Variants in CCDC138 observed in about 807,000 individuals in gnomAD.
CCDC138 encodes coiled-coil domain-containing protein 138.
CCDC138 carries 66 observed loss-of-function variants against 82.3 expected under a neutral mutation model. The ratio of observed to expected loss-of-function variants is 0.80; its 90% CI spans 0.66 to 0.98. The LOEUF (loss-of-function observed/expected upper bound fraction) is 0.98, where lower values mean the gene tolerates loss of function less well. Among genes scored for constraint, CCDC138 ranks in the 50% least tolerant of loss-of-function variants. The pLI, the probability that CCDC138 is intolerant of heterozygous loss-of-function variation, is 0.00. For missense variants in CCDC138, 816 were observed against 758.9 expected, an observed-to-expected ratio of 1.08 and a Z score of -0.88; for synonymous variants, 297 against 265.4, an observed-to-expected ratio of 1.12 and a Z score of -1.16.
chr2:108,835,776 G>T (rs1441723163), intron 10 of CCDC138, among the ~76,000 whole-genome samples: 1 of 152,110 alleles, frequency 6.6e-6, no homozygotes, highest in East Asian at 1.9e-4. Context: ...AGTACCAATT[G>T]TCTCTGTTTT....
intron 13 of CCDC138, among the ~76,000 whole-genome samples, chr2:108,872,847 T>G (rs1314431322): frequency 6.6e-6 from 1 of 152,216 alleles, no homozygotes; most frequent in Non-Finnish European, 1.5e-5. Context: ...CATGTCCTCA[T>G]AAACAAAATA....
intron 12 of CCDC138, among the ~76,000 whole-genome samples, chr2:108,851,327 G>A (rs1436573346): frequency 6.6e-6 from 1 of 152,034 alleles, no homozygotes; most frequent in Non-Finnish European, 1.5e-5. Context: ...TTGAGATGGA[G>A]TTTTGCTCTT....
rs575419261 is a variant in CCDC138 at position 108,794,522 on chromosome 2, A to G, written c.395-18A>G. 3 of 1,582,262 alleles carry G rather than the reference A, an allele frequency of 1.9e-6. No individual in the cohort carries two copies. In the Admixed American group the frequency reaches 5.5e-5, roughly 29 times the overall value. On this transcript the variant is annotated intron_variant, in intron 4 of 14. Transcript: ENST00000295124. ...TAAGTTAATAAAGTTTATAATGCAA[A>G]TGTTATTTTCTTTGCAGTTGCCTTG...
At chr2:108,823,869 C>G (rs970592742) in intron 10 of CCDC138, among the ~76,000 whole-genome samples, 1 of 151,630 alleles carries the variant, frequency 6.6e-6, no homozygotes, top group Non-Finnish European at 1.5e-5. Flanking sequence ...CCCAGCTACT[C>G]GGGATGCTGA....
Position 108,791,783 on chromosome 2 carries a change from T to G in CCDC138, c.375T>G (p.Ser125=), listed in dbSNP as rs757278730. The part of the protein sequence containing the change: ...RVSTSKITKQ[S]FKEIEKVALP... ...GTACCTCGAAAATAACCAAGCAGTC[T>G]TTTAAAGAAATAGAAAAAGGTAAAA... The change falls in exon 4 of 15, where the codon TCT becomes TCG. Residue 125 remains serine (S), a synonymous_variant. Transcript: ENST00000295124. The G allele has an allele frequency of 2.5e-6, 4 of 1,590,156 alleles. No individual in the cohort carries two copies. Among genetic ancestry groups the G allele is most frequent in the Middle Eastern group, 1.7e-4 (1 of 5,968 alleles).
intron 10 of CCDC138, among the ~76,000 whole-genome samples, chr2:108,829,822 T>G (rs971240997): frequency 2.6e-5 from 4 of 152,206 alleles, no homozygotes; most frequent in Non-Finnish European, 5.9e-5. Context: ...CCTTGTTTAC[T>G]GGTGATAGGA....
At chr2:108,796,463 A>C (rs1052925226) in intron 5 of CCDC138, among the ~76,000 whole-genome samples, 14 of 152,326 alleles carry the variant, frequency 9.2e-5, no homozygotes, top group African/African-American at 3.1e-4. Context: ...CGTATGATCC[A>C]GCAATCCCAC....
In CCDC138 at chr2:108,862,077, G is replaced by GTT. The variant is rs71383810; in HGVS notation, c.1693+5120_1693+5121dup. ...CAAGAGGATTCTTGGTATGATTTCA[G>GTT]TTTTTTTTTTTTTTATTTGTTGAGA... On this transcript the variant is annotated intron_variant, in intron 13 of 14. Coordinates refer to ENST00000295124, the MANE Select transcript of CCDC138 (RefSeq NM_144978.3). 2.7e-3 allele frequency among the ~76,000 whole-genome samples: 377 copies of GTT among 141,264 alleles called. 1 individual carries two copies. Among genetic ancestry groups the GTT allele is most frequent in the Non-Finnish European group, 3.7e-3 (243 of 65,570 alleles). 92.7% of individuals were successfully genotyped at this position (141,264 alleles called of 152,430 possible).
At chr2:108,826,262 A>G (rs928741804) in intron 10 of CCDC138, among the ~76,000 whole-genome samples, 1 of 152,178 alleles carries the variant, frequency 6.6e-6, no homozygotes, top group Non-Finnish European at 1.5e-5. Context: ...TTAAATTTTT[A>G]TAAAGTCCAA....
intron 7 of CCDC138, among the ~76,000 whole-genome samples, chr2:108,809,449 TGTG>T (rs1349427279): frequency 2.1e-3 from 47 of 22,330 alleles, no homozygotes; most frequent in Non-Finnish European, 4.7e-3. Flanking sequence ...CATGAAATGT[TGTG>T]TGTGTGTGTG....
rs775589218 is a variant in CCDC138 at position 108,812,717 on chromosome 2, C to T, written c.933+9C>T. On this transcript the variant is annotated intron_variant, in intron 8 of 14. Transcript: ENST00000295124. ...GTTTAGATAATTTACAGGTAAGTTGCCTGTTCTTCTCTACAGACAGAAGTA... is the reference window on the plus strand; with the variant it reads ...GTTTAGATAATTTACAGGTAAGTTGTCTGTTCTTCTCTACAGACAGAAGTA... The T allele has an allele frequency of 1.2e-6, 2 of 1,605,144 alleles. No homozygotes were observed. Among genetic ancestry groups the T allele is most frequent in the Admixed American group, 1.7e-5 (1 of 59,932 alleles).
chr2:108,854,469 G>A (rs1286219599), intron 12 of CCDC138, among the ~76,000 whole-genome samples: 1 of 151,996 alleles, frequency 6.6e-6, no homozygotes, highest in African/African-American at 2.4e-5. Context: ...AGCAAGTCTG[G>A]CATAAAGTCT....
intron 12 of CCDC138, among the ~76,000 whole-genome samples, chr2:108,851,206 C>T (rs955645250): frequency 1.3e-4 from 20 of 152,270 alleles, no homozygotes; most frequent in African/African-American, 4.3e-4. Flanking sequence ...GAACTTCTGT[C>T]CCCTCCCTGG....
chr2:108,796,967 T>C (rs1036510357), intron 5 of CCDC138, among the ~76,000 whole-genome samples: 2 of 152,206 alleles, frequency 1.3e-5, no homozygotes, highest in African/African-American at 4.8e-5. Context: ...TAGAGAAGAA[T>C]TGTAATGTTC....
intron 13 of CCDC138, among the ~76,000 whole-genome samples, chr2:108,858,802 A>G (rs1040140897): frequency 2.0e-5 from 3 of 151,984 alleles, no homozygotes; most frequent in African/African-American, 7.3e-5. Flanking sequence ...CTCGTCATTT[A>G]GGATAATGGC....
chr2:108,800,608 C>CTTTTTTTT (rs67529329), intron 6 of CCDC138, among the ~76,000 whole-genome samples: 4 of 33,492 alleles, frequency 1.2e-4, no homozygotes, highest in African/African-American at 1.4e-4. Context: ...CTCAGTTTAG[C>CTTTTTTTT]TTTTTTTTTT....
chr2:108,786,781 T>C lies in CCDC138; in HGVS notation c.-42T>C, dbSNP rs904013160. On this transcript the variant is annotated 5_prime_UTR_variant, in exon 1 of 15. An upstream start codon of the reference 5' UTR is lost. Transcript: ENST00000295124. ...CGGCCGCGTAGCGCCGCGGGTTTGA[T>C]GAACGCGGTTCCCGGGGAGACTGGT... 7 of 1,536,000 alleles carry C rather than the reference T, an allele frequency of 4.6e-6. No homozygotes were observed. In the Admixed American group the frequency reaches 7.8e-5, roughly 17 times the overall value.
chr2:108,803,915 T>C (rs899744777), intron 6 of CCDC138, among the ~76,000 whole-genome samples: 5 of 152,196 alleles, frequency 3.3e-5, no homozygotes, highest in Non-Finnish European at 5.9e-5. Flanking sequence ...ATGAAAATAT[T>C]AGTTTTAAAA....
chr2:108,791,560 A>C, intron 3 of CCDC138, 115 bp from the exon 4 acceptor site: 1 of 1,278,256 alleles, frequency 7.8e-7, no homozygotes, highest in Non-Finnish European at 1.1e-6. Context: ...TGCAGTTTAA[A>C]AAATGTTTTT....
Sources: gnomAD v4.1 joint callset for allele counts (sites outside exome capture counted in the v4.1 genomes callset) on GRCh38, gnomAD v4.1.1 for gene constraint, MANE v1.5 for transcripts, NCBI Gene and HGNC (gene_info 2026-07-23, HGNC 2026-07-21) for gene names.